XYLT1: variants seen among roughly 807,000 people sequenced by gnomAD.
The protein encoded by XYLT1 is beta-D-xylosyltransferase 1.
A neutral mutation model predicts 91.3 loss-of-function variants in XYLT1; 36 were observed. That is an observed-to-expected ratio of 0.39 (90% confidence interval 0.30 to 0.52). The LOEUF (loss-of-function observed/expected upper bound fraction) is 0.52, where lower values mean the gene tolerates loss of function less well. Ranked by LOEUF, XYLT1 falls within the 20% of genes least tolerant of loss-of-function variation. XYLT1 has a pLI of 0.68. For missense variants in XYLT1, 1,242 were observed against 1,284.5 expected, an observed-to-expected ratio of 0.97 and a Z score of 0.51; for synonymous variants, 588 against 532.0, an observed-to-expected ratio of 1.11 and a Z score of -1.45.
intron 3 of XYLT1, among the ~76,000 whole-genome samples, chr16:17,234,757 C>G (rs569461421): frequency 9.9e-5 from 15 of 151,556 alleles, no homozygotes; most frequent in African/African-American, 3.4e-4. Context: ...TCAAGTCTAC[C>G]CTGAGCAAAG....
intron 1 of XYLT1, among the ~76,000 whole-genome samples, chr16:17,454,538 A>ATTTTTTT (rs67567053): frequency 6.9e-6 from 1 of 145,350 alleles, no homozygotes; most frequent in Non-Finnish European, 1.5e-5. Context: ...TATGATCGCA[A>ATTTTTTT]TTTTTTTTTT....
intron 3 of XYLT1, among the ~76,000 whole-genome samples, chr16:17,223,350 G>C (rs1397093223): frequency 1.3e-5 from 2 of 152,242 alleles, no homozygotes; most frequent in Admixed American, 1.3e-4. Context: ...AAGCAACTCT[G>C]GGCAGAGCAG....
intron 1 of XYLT1, among the ~76,000 whole-genome samples, chr16:17,377,494 G>T (rs962506706): frequency 1.3e-5 from 2 of 152,054 alleles, no homozygotes; most frequent in Non-Finnish European, 2.9e-5. Context: ...ATTCTCAGGG[G>T]AAGGGCTTTG....
intron 2 of XYLT1, among the ~76,000 whole-genome samples, chr16:17,266,542 C>G (rs1477445230): frequency 1.3e-5 from 2 of 152,098 alleles, no homozygotes; most frequent in Admixed American, 1.3e-4. Context: ...GGATTTGAAC[C>G]CAGGCTGTCT....
At chr16:17,274,695 A>C (rs1239484459) in intron 2 of XYLT1, among the ~76,000 whole-genome samples, 1 of 152,190 alleles carries the variant, frequency 6.6e-6, no homozygotes, top group African/African-American at 2.4e-5. Context: ...TTCCAGCCTC[A>C]TCTTGAGAAG....
rs1369307920 is a variant in XYLT1, at chr16:17,216,981, C to CT, written c.914-16328dup. On this transcript the variant is annotated intron_variant, in intron 3 of 11. Transcript: ENST00000261381. The stretch of plus-strand genomic sequence containing the variant: ...GAGGGCAGGGATGGTGTTTCATTTA[C>CT]TTGGCCTAGGAGAGTGTCTGGTGAC... Among the ~76,000 whole-genome samples the CT allele has an allele frequency of 7.2e-5, 11 of 152,334 alleles. 2 individuals are homozygous for CT. The highest frequency in any genetic ancestry group is 2.6e-4 in the African/African-American group (11 of 41,586).
chr16:17,170,121 T>C (rs2031789938), intron 5 of XYLT1, among the ~76,000 whole-genome samples: 1 of 152,186 alleles, frequency 6.6e-6, no homozygotes, highest in Admixed American at 6.5e-5. Flanking sequence ...GTTGTGGGTA[T>C]GGTACATGCA....
rs929340305 is a variant in XYLT1, at chr16:17,343,969, C to T, written c.402+14043G>A. On this transcript the variant is annotated intron_variant, in intron 2 of 11. Transcript: ENST00000261381. ...GACTTCACCTAAACGTCACCAGCTCCGTCTCATTACAGTCAACGGGTGTTG... is the reference window on the plus strand; with the variant it reads ...GACTTCACCTAAACGTCACCAGCTCTGTCTCATTACAGTCAACGGGTGTTG... 3.3e-4 allele frequency among the ~76,000 whole-genome samples: 50 copies of T among 152,162 alleles called. 1 individual carries two copies. Among genetic ancestry groups the T allele is most frequent in the Admixed American group, 6.6e-4 (10 of 15,264 alleles).
intron 9 of XYLT1, among the ~76,000 whole-genome samples, chr16:17,134,228 A>C (rs1185254206): frequency 1.3e-5 from 2 of 152,228 alleles, no homozygotes; most frequent in South Asian, 2.1e-4. Flanking sequence ...TGTAGCATGA[A>C]GAATGAGTAA....
At chr16:17,367,346 G>A (rs934943274) in intron 1 of XYLT1, among the ~76,000 whole-genome samples, 1 of 152,204 alleles carries the variant, frequency 6.6e-6, no homozygotes, top group Admixed American at 6.5e-5. Context: ...CTTTCTAAAG[G>A]TGGCCACCCA....
chr16:17,135,062 C>T (rs1328691716), intron 8 of XYLT1, among the ~76,000 whole-genome samples: 1 of 152,150 alleles, frequency 6.6e-6, no homozygotes, highest in Non-Finnish European at 1.5e-5. Context: ...CATTTAGGTA[C>T]AGGTCACAGG....
chr16:17,217,095 TAACAACGAGC>T (rs2032874927), intron 3 of XYLT1, among the ~76,000 whole-genome samples: 1 of 152,144 alleles, frequency 6.6e-6, no homozygotes, highest in Admixed American at 6.5e-5. Context: ...CAACAGTGGG[TAACAACGAGC>T]ACCTCAAATG....
At chr16:17,258,603 T>C (rs2033671200) in intron 3 of XYLT1, among the ~76,000 whole-genome samples, 1 of 152,158 alleles carries the variant, frequency 6.6e-6, no homozygotes. Flanking sequence ...TAGAAACCTC[T>C]CAAATCATAA....
intron 3 of XYLT1, chr16:17,249,899 C>G (rs1291781798): frequency 6.6e-6 from 1 of 152,242 alleles, no homozygotes; most frequent in East Asian, 1.9e-4. Context: ...TGGTCTCAAA[C>G]TCCTGGCATC....
intron 3 of XYLT1, among the ~76,000 whole-genome samples, chr16:17,230,081 C>T (rs1245129821): frequency 6.6e-6 from 1 of 152,198 alleles, no homozygotes; most frequent in Non-Finnish European, 1.5e-5. Flanking sequence ...TTCTCCAGAT[C>T]CTCTAGAACC....
Position 17,262,210 on chromosome 16 carries a change from A to G in XYLT1, c.403-2712T>C, listed in dbSNP as rs143340950. On this transcript the variant is annotated intron_variant, in intron 2 of 11. Transcript: ENST00000261381. Reference sequence around the variant, plus strand: ...TGTTGTGATACATTCTTCACTATGGATCACGTGCTAGGTGCCATGCTAAGC... The same window carrying G: ...TGTTGTGATACATTCTTCACTATGGGTCACGTGCTAGGTGCCATGCTAAGC... 1.1e-3 allele frequency among the ~76,000 whole-genome samples: 164 copies of G among 152,288 alleles called. 2 individuals carry two copies. In the East Asian group the frequency reaches 0.024, roughly 22 times the overall value.
chr16:17,281,254 C>T (rs1476634686), intron 2 of XYLT1, among the ~76,000 whole-genome samples: 2 of 151,978 alleles, frequency 1.3e-5, no homozygotes, highest in Non-Finnish European at 2.9e-5. Context: ...GGGGTTGTGA[C>T]TCTGCTTGGC....
At chr16:17,322,492 T>TA (rs1311610841) in intron 2 of XYLT1, among the ~76,000 whole-genome samples, 1 of 152,224 alleles carries the variant, frequency 6.6e-6, no homozygotes, top group Non-Finnish European at 1.5e-5. Context: ...ACAAGGGGTT[T>TA]AGATCCAGAA....
intron 5 of XYLT1, among the ~76,000 whole-genome samples, chr16:17,172,409 G>A (rs961999244): frequency 6.6e-6 from 1 of 151,186 alleles, no homozygotes; most frequent in Non-Finnish European, 1.5e-5. Context: ...AGCAATTCAG[G>A]CCCTGCCATA....
Sources: allele counts gnomAD v4.1 joint callset (sites outside exome capture counted in the v4.1 genomes callset), GRCh38; gene constraint gnomAD v4.1.1; transcripts MANE v1.5; gene names NCBI Gene and HGNC (gene_info 2026-07-23, HGNC 2026-07-21).